The following GALNT14 variants were observed in gnomAD, a reference collection of about 807,000 sequenced individuals.
The protein encoded by GALNT14 is UDP-GalNAc:polypeptide N-acetylgalactosaminyltransferase 14.
In GALNT14, 60 loss-of-function variants were observed where a neutral mutation model predicts 77.5. The ratio of observed to expected loss-of-function variants is 0.77; its 90% CI spans 0.63 to 0.96. GALNT14 has a LOEUF of 0.96. GALNT14 is among the 40% of genes least tolerant of loss of function. The pLI, the probability that GALNT14 is intolerant of heterozygous loss-of-function variation, is 0.00. For missense variants in GALNT14, 710 were observed against 731.0 expected (o/e 0.97, Z 0.33); for synonymous variants, 280 against 281.7 (o/e 0.99, Z 0.06).
In GALNT14 at chr2:30,989,142, T is replaced by C. The variant is rs375567889; in HGVS notation, c.299+3696A>G. ...CTTAGAAAAGAGATACTTCAGCTGGTTGGAGTCTGGATATCAGCATTGAAA... is the reference window on the plus strand; with the variant it reads ...CTTAGAAAAGAGATACTTCAGCTGGCTGGAGTCTGGATATCAGCATTGAAA... On this transcript the variant is annotated intron_variant, in intron 2 of 14. Coordinates refer to ENST00000349752, the MANE Select transcript of GALNT14 (RefSeq NM_024572.4). Among the ~76,000 whole-genome samples, 67 of 152,252 alleles carry C rather than the reference T, an allele frequency of 4.4e-4. 1 individual carries two copies. Among genetic ancestry groups the C allele is most frequent in the East Asian group, 1.7e-3 (9 of 5,174 alleles).
chr2:30,950,573 A>G (rs1573020258), intron 6 of GALNT14, among the ~76,000 whole-genome samples: 1 of 152,204 alleles, frequency 6.6e-6, no homozygotes, highest in South Asian at 2.1e-4. Context: ...CCTGTCCCCA[A>G]AGGGCTGGCC....
intron 1 of GALNT14, among the ~76,000 whole-genome samples, chr2:31,106,361 C>G (rs910512414): frequency 1.4e-4 from 21 of 152,058 alleles, no homozygotes; most frequent in African/African-American, 4.8e-4. Flanking sequence ...TCTCCACTGC[C>G]TGTCTTCTAT....
intron 1 of GALNT14, among the ~76,000 whole-genome samples, chr2:31,123,694 C>G (rs1404961849): frequency 6.6e-6 from 1 of 152,184 alleles, no homozygotes; most frequent in Non-Finnish European, 1.5e-5. Flanking sequence ...ACTTCAACCA[C>G]AGTTTTCTGA....
At position 31,138,346 on chromosome 2, in the gene GALNT14, G is replaced by C. The variant is rs1036281729; in HGVS notation, c.-260C>G. The C allele has an allele frequency of 8.6e-6, 4 of 465,276 alleles. No individual in the cohort carries two copies. The Admixed American group carries it at 1.7e-4, about 19-fold the overall frequency. 28.8% of individuals were successfully genotyped at this position (465,276 alleles called of 1,614,324 possible). A position where few individuals can be genotyped will look rare whatever the true frequency, so the allele number is the denominator to read the frequency against. ...CCAAGCTGGACGCCCGCTCCAGCGGGAGAAGCGCGGTGGCTGCCGAGATGT... is the reference window on the plus strand; with the variant it reads ...CCAAGCTGGACGCCCGCTCCAGCGGCAGAAGCGCGGTGGCTGCCGAGATGT... On this transcript the variant is annotated 5_prime_UTR_variant, in exon 1 of 15. Transcript: ENST00000349752.
At chr2:31,129,917 G>C (rs368441471) in intron 1 of GALNT14, among the ~76,000 whole-genome samples, 2 of 152,148 alleles carry the variant, frequency 1.3e-5, no homozygotes, top group East Asian at 3.8e-4. Context: ...GATGTTTCAG[G>C]CTCTCTCCTT....
chr2:31,029,900 T>C (rs1394876511), intron 1 of GALNT14, among the ~76,000 whole-genome samples: 2 of 152,254 alleles, frequency 1.3e-5, no homozygotes, highest in Non-Finnish European at 2.9e-5. Context: ...ATAATGCCAA[T>C]GAAATACTAC....
At chr2:31,034,353 T>TAAATAAAACAA (rs1407012774) in intron 1 of GALNT14, among the ~76,000 whole-genome samples, 2 of 152,230 alleles carry the variant, frequency 1.3e-5, no homozygotes, top group Non-Finnish European at 2.9e-5. Flanking sequence ...TAATCCTTTA[T>TAAATAAAACAA]AATACTTATT....
At chr2:30,895,247 G>C in the GALNT14 span, among the ~76,000 whole-genome samples, 1 of 152,300 alleles carries the variant, frequency 6.6e-6, no homozygotes, top group East Asian at 1.9e-4. Flanking sequence ...CCCATTCTCT[G>C]AGGAGCTTAC....
chr2:30,906,166 T>C (rs1252718037), downstream of GALNT14, among the ~76,000 whole-genome samples: 1 of 147,748 alleles, frequency 6.8e-6, no homozygotes, highest in Non-Finnish European at 1.5e-5. Flanking sequence ...ACGAGCAAAA[T>C]AACCAGCTAA....
chr2:30,927,317 C>T (rs184658254), intron 11 of GALNT14, among the ~76,000 whole-genome samples: 42 of 152,286 alleles, frequency 2.8e-4, no homozygotes, highest in Admixed American at 2.3e-3. Flanking sequence ...CTTGGTAGAA[C>T]CTTGCTCCTC....
At chr2:31,082,158 C>G (rs531620121) in intron 1 of GALNT14, among the ~76,000 whole-genome samples, 1 of 152,208 alleles carries the variant, frequency 6.6e-6, no homozygotes, top group African/African-American at 2.4e-5. Flanking sequence ...GACCTGAAAT[C>G]GGGCAGAGTC....
At chr2:30,953,297 TTTCC>T (rs1667149867) in intron 6 of GALNT14, among the ~76,000 whole-genome samples, 1 of 149,110 alleles carries the variant, frequency 6.7e-6, no homozygotes, top group Non-Finnish European at 1.5e-5. Context: ...TCACAAATAA[TTTCC>T]TTCCTTTTTT....
intron 1 of GALNT14, among the ~76,000 whole-genome samples, chr2:31,116,850 C>A (rs1358700683): frequency 6.6e-6 from 1 of 152,036 alleles, no homozygotes; most frequent in Non-Finnish European, 1.5e-5. Context: ...ACCAGCCTCA[C>A]CAACATGGAG....
intron 1 of GALNT14, among the ~76,000 whole-genome samples, chr2:31,069,969 AGAG>A (rs1675244306): frequency 6.6e-6 from 1 of 152,136 alleles, no homozygotes; most frequent in Non-Finnish European, 1.5e-5. Flanking sequence ...GACCGAGAGA[AGAG>A]GAGGAGGATG....
Position 30,910,765 on chromosome 2 carries a change from G to T in GALNT14, c.*136C>A. 3.4e-6 allele frequency: 3 copies of T among 881,146 alleles called. No homozygotes were observed. Among genetic ancestry groups the T allele is most frequent in the Non-Finnish European group, 3.4e-6 (2 of 583,130 alleles). The allele number at this position is 881,146 out of a possible 1,614,324, so 54.6% of individuals were successfully genotyped here. A position where few individuals can be genotyped will look rare whatever the true frequency, so the allele number is the denominator to read the frequency against. On this transcript the variant is annotated 3_prime_UTR_variant, in exon 15 of 15. Transcript: ENST00000349752. ...TGTCCTCCCTGAGACAGTTGCTCCT[G>T]TCCTGGGGGGCTCTGCCTCCACCTC...
intron 1 of GALNT14, among the ~76,000 whole-genome samples, chr2:31,012,139 C>T (rs1236138667): frequency 6.6e-6 from 1 of 152,162 alleles, no homozygotes; most frequent in Admixed American, 6.5e-5. Context: ...GTCTTTAGAC[C>T]TGTATTTAAT....
intron 9 of GALNT14, among the ~76,000 whole-genome samples, chr2:30,933,791 C>A (rs1299733492): frequency 2.0e-5 from 3 of 152,238 alleles, no homozygotes; most frequent in Non-Finnish European, 4.4e-5. Flanking sequence ...CTTGGGAAAC[C>A]TGCTTAAGCT....
chr2:30,939,728 T>A (rs757579079), intron 9 of GALNT14, among the ~76,000 whole-genome samples: 22 of 152,116 alleles, frequency 1.4e-4, no homozygotes, highest in Non-Finnish European at 2.4e-4. Context: ...GGGCAGTTGA[T>A]CTGCAGGACT....
At chr2:30,915,459 A>C (rs1414105694) in intron 13 of GALNT14, among the ~76,000 whole-genome samples, 1 of 152,226 alleles carries the variant, frequency 6.6e-6, no homozygotes, top group African/African-American at 2.4e-5. Flanking sequence ...AGGAAGGCTG[A>C]TGTCTGGCCA....
Sources: allele counts gnomAD v4.1 joint callset (sites outside exome capture counted in the v4.1 genomes callset), GRCh38; gene constraint gnomAD v4.1.1; transcripts MANE v1.5; gene names NCBI Gene and HGNC (gene_info 2026-07-23, HGNC 2026-07-21).